BOC: variants seen among roughly 807,000 people sequenced by gnomAD.
BOC encodes the protein brother of CDO.
BOC carries 76 observed loss-of-function variants against 112.0 expected under a neutral mutation model. The observed-to-expected ratio is 0.68, with a 90% CI of 0.56 to 0.82. BOC has a LOEUF of 0.82. Ranked by LOEUF, BOC falls within the 40% of genes least tolerant of loss-of-function variation. The pLI is 0.00. For synonymous variants in BOC, 580 were observed against 599.8 expected (o/e 0.97, Z 0.48); for missense variants, 1,309 against 1,511.7 (o/e 0.87, Z 2.22).
At chr3:113,257,673 A>G (rs1232123003) in intron 4 of BOC, among the ~76,000 whole-genome samples, 1 of 152,180 alleles carries the variant, frequency 6.6e-6, no homozygotes, top group Non-Finnish European at 1.5e-5. Context: ...TTCATTTCCA[A>G]CAGTCATTAT....
intron 2 of BOC, among the ~76,000 whole-genome samples, chr3:113,237,465 G>A (rs142526609): frequency 4.9e-4 from 74 of 152,288 alleles, no homozygotes; most frequent in Middle Eastern, 6.8e-3. Context: ...GCACAGGCAT[G>A]GTCTCATCCT....
chr3:113,270,388 A>G lies in BOC; in HGVS notation c.524-413A>G, dbSNP rs566106465. 4.4e-4 allele frequency: 79 copies of G among 178,026 alleles called. No individual in the cohort carries two copies. In the South Asian group the frequency reaches 0.01, roughly 23 times the overall value. 11.0% of individuals were successfully genotyped at this position (178,026 alleles called of 1,614,324 possible). On this transcript the variant is annotated intron_variant, in intron 5 of 19. Transcript: ENST00000682979. Reference sequence around the variant, plus strand: ...TTTTTACAAATGAGGAAACTGTATCAGAGAGATTAATTAACTTGCCCAAGA... The same window carrying G: ...TTTTTACAAATGAGGAAACTGTATCGGAGAGATTAATTAACTTGCCCAAGA...
intron 2 of BOC, among the ~76,000 whole-genome samples, chr3:113,246,811 C>A (rs1944972977): frequency 6.6e-6 from 1 of 152,072 alleles, no homozygotes; most frequent in South Asian, 2.1e-4. Flanking sequence ...CTCCTTTCTC[C>A]CTCTCTGGAT....
At chr3:113,267,972 C>A (rs549722722) in intron 4 of BOC, among the ~76,000 whole-genome samples, 1 of 152,204 alleles carries the variant, frequency 6.6e-6, no homozygotes, top group South Asian at 2.1e-4. Flanking sequence ...TTGACCCCCC[C>A]CCATTTCTGG....
intron 5 of BOC, 77 bp from the exon 6 acceptor site, chr3:113,270,724 A>C (rs1948017384): frequency 1.3e-6 from 2 of 1,508,852 alleles, no homozygotes; most frequent in Admixed American, 4.1e-5. Context: ...CCCTCCGTGC[A>C]CCTCTCCTTT....
chr3:113,214,953 T>C lies in BOC; in HGVS notation c.-169-1234T>C, dbSNP rs570001805. 1.1e-4 allele frequency among the ~76,000 whole-genome samples: 17 copies of C among 152,354 alleles called. 1 individual carries two copies. The South Asian group carries it at 3.5e-3, about 32-fold the overall frequency. On this transcript the variant is annotated intron_variant, in intron 1 of 19. Transcript: ENST00000682979. ...ATGTTTTTTAAATTATCCACAATCC[T>C]ATGGACTTGTGTTGCTCATCATGTG...
chr3:113,234,680 G>A (rs758357587), intron 2 of BOC, among the ~76,000 whole-genome samples: 2 of 152,132 alleles, frequency 1.3e-5, no homozygotes, highest in South Asian at 2.1e-4. Context: ...ACTGAATTGC[G>A]CCCAGTGCCC....
rs1213955116 is a variant in BOC at position 113,274,261 on chromosome 3, G to A, written c.1235-114G>A. 3.9e-6 allele frequency: 4 copies of A among 1,014,086 alleles called. No individual in the cohort carries two copies. Among genetic ancestry groups the A allele is most frequent in the Non-Finnish European group, 5.5e-6 (4 of 723,988 alleles). The allele number at this position is 1,014,086 out of a possible 1,614,324, so 62.8% of individuals were successfully genotyped here. A position where few individuals can be genotyped will look rare whatever the true frequency, so the allele number is the denominator to read the frequency against. On this transcript the variant is annotated intron_variant, in intron 8 of 19. Coordinates refer to ENST00000682979, the MANE Select transcript of BOC (RefSeq NM_001378074.1). This position sits in a 1 kb window ranked among gnomAD's most constrained non-coding sequence, Gnocchi z 4.8. ...GCACAGAGTGGGTGGCGGTACAGCT[G>A]ATGGTGGGCCCAGGTTGCCTCTCTG...
chr3:113,243,656 C>G lies in BOC; in HGVS notation c.-81-6066C>G, dbSNP rs537250177. ...TAAACCCAACTGTTTGGCACACCAC[C>G]CTCCCCACCCTGCAAACACAAGACT... On this transcript the variant is annotated intron_variant, in intron 2 of 19. Coordinates refer to ENST00000682979, the MANE Select transcript of BOC (RefSeq NM_001378074.1). Among the ~76,000 whole-genome samples the G allele has an allele frequency of 3.3e-4, 50 of 152,200 alleles. No homozygotes were observed. In the South Asian group the frequency reaches 5.8e-3, roughly 18 times the overall value.
At chr3:113,216,978 A>G (rs1576309498) in intron 2 of BOC, among the ~76,000 whole-genome samples, 1 of 152,302 alleles carries the variant, frequency 6.6e-6, no homozygotes, top group East Asian at 1.9e-4. Context: ...AGAGCAAAGA[A>G]TGTTTATTCT....
At chr3:113,248,551 C>A (rs1335205448) in intron 2 of BOC, among the ~76,000 whole-genome samples, 1 of 152,140 alleles carries the variant, frequency 6.6e-6, no homozygotes, top group Non-Finnish European at 1.5e-5. Context: ...CAACGTTATC[C>A]GAACTCATTT....
chr3:113,283,524 C>T lies in BOC; in HGVS notation c.2548C>T (p.Arg850Cys), dbSNP rs752137890. Reference protein sequence around the residue: ...RPVGTGAMVARSSDLPYLIVG... With the variant: ...RPVGTGAMVACSSDLPYLIVG... ...GGTGGGCACTGGGGCCATGGTGGCTCGCTCCAGCGACCTGCCCTATCTGAT... is the reference window on the plus strand; with the variant it reads ...GGTGGGCACTGGGGCCATGGTGGCTTGCTCCAGCGACCTGCCCTATCTGAT... Residue 850 changes from arginine (R) to cysteine (C), a missense_variant, in exon 16 of 20, where the codon CGC becomes TGC. By Grantham distance (180) the Arg-to-Cys change is radical. Coordinates refer to ENST00000682979, the MANE Select transcript of BOC (RefSeq NM_001378074.1). The T allele has an allele frequency of 6.8e-6, 11 of 1,613,926 alleles. No homozygotes were observed. The highest frequency in any genetic ancestry group is 1.6e-4 in the Middle Eastern group (1 of 6,062).
At chr3:113,251,210 C>T in intron 4 of BOC, 1 of 443,446 alleles carries the variant, frequency 2.3e-6, no homozygotes. Flanking sequence ...ACCTTCCAGT[C>T]CCCTCCCTCC....
intron 15 of BOC, among the ~76,000 whole-genome samples, chr3:113,282,611 G>T (rs759866989): frequency 6.6e-6 from 1 of 152,176 alleles, no homozygotes; most frequent in Non-Finnish European, 1.5e-5. Context: ...CGTGCAGGGG[G>T]TCCGGGTGGG....
intron 9 of BOC, among the ~76,000 whole-genome samples, chr3:113,275,992 G>A (rs905417137): frequency 6.6e-6 from 1 of 152,208 alleles, no homozygotes; most frequent in East Asian, 1.9e-4. Flanking sequence ...CCCTCCACCT[G>A]CTGGCCTCTT....
intron 4 of BOC, among the ~76,000 whole-genome samples, chr3:113,262,377 C>G (rs1435095900): frequency 6.6e-6 from 1 of 152,146 alleles, no homozygotes; most frequent in Non-Finnish European, 1.5e-5. Context: ...GGAGCTATGT[C>G]TTTTCTTCTT....
chr3:113,222,208 A>C (rs1490281620), intron 2 of BOC, among the ~76,000 whole-genome samples: 1 of 152,164 alleles, frequency 6.6e-6, no homozygotes, highest in Non-Finnish European at 1.5e-5. Flanking sequence ...GATCAGTGGA[A>C]TCAGGGACTT....
At chr3:113,254,029 G>T (rs1945941122) in intron 4 of BOC, among the ~76,000 whole-genome samples, 1 of 152,174 alleles carries the variant, frequency 6.6e-6, no homozygotes, top group Non-Finnish European at 1.5e-5. Flanking sequence ...CCTTCCTTCT[G>T]CTTCAAGGTG....
In BOC at chr3:113,287,139, G is replaced by A; in HGVS notation, c.*277G>A. On this transcript the variant is annotated 3_prime_UTR_variant, in exon 20 of 20. Coordinates refer to ENST00000682979, the MANE Select transcript of BOC (RefSeq NM_001378074.1). ...GGCGCGGGACAGACTCCTAACCTGG[G>A]GCCTCTGCAGTGGCAGGCGAGGCTG... 1 of 457,486 alleles carries A rather than the reference G, an allele frequency of 2.2e-6. No homozygotes were observed. The allele number at this position is 457,486 out of a possible 1,614,324, so 28.3% of individuals were successfully genotyped here.
Sources: gnomAD v4.1 joint callset for allele counts (sites outside exome capture counted in the v4.1 genomes callset) on GRCh38, gnomAD v4.1.1 for gene constraint, Gnocchi (gnomAD v3.1) non-coding constraint, MANE v1.5 for transcripts, NCBI Gene and HGNC (gene_info 2026-07-23, HGNC 2026-07-21) for gene names.